ANKRD12: variants seen among roughly 807,000 people sequenced by gnomAD.
ANKRD12 encodes the protein ankyrin repeat domain-containing protein 12.
Under a neutral mutation model 183.4 loss-of-function variants are expected in ANKRD12, and 85 were observed. The observed-to-expected ratio is 0.46, with a 90% CI of 0.39 to 0.56. ANKRD12 has a LOEUF of 0.56. ANKRD12 is among the 20% of genes least tolerant of loss of function. ANKRD12 has a pLI of 0.00. For missense variants in ANKRD12, 2,405 were observed against 2,357.1 expected (o/e 1.02, Z -0.42); for synonymous variants, 914 against 800.2 (o/e 1.14, Z -2.40).
chr18:9,193,730 C>G (rs1211374571), intron 2 of ANKRD12, among the ~76,000 whole-genome samples: 3 of 152,076 alleles, frequency 2.0e-5, no homozygotes, highest in Non-Finnish European at 4.4e-5. Context: ...TCTGAATCTA[C>G]TTTTCATTTG....
At chr18:9,273,100 G>A (rs1169920080) in intron 10 of ANKRD12, among the ~76,000 whole-genome samples, 1 of 152,154 alleles carries the variant, frequency 6.6e-6, no homozygotes, top group Non-Finnish European at 1.5e-5. Flanking sequence ...TCTCCATGAA[G>A]TTCTAGCTAG....
At chr18:9,201,993 A>C (rs903592789) in intron 3 of ANKRD12, among the ~76,000 whole-genome samples, 3 of 151,806 alleles carry the variant, frequency 2.0e-5, no homozygotes, top group African/African-American at 7.3e-5. Flanking sequence ...ACACCCAGCT[A>C]ATTTTTGTAT....
At chr18:9,163,496 A>G (rs1598425670) in intron 1 of ANKRD12, among the ~76,000 whole-genome samples, 1 of 151,946 alleles carries the variant, frequency 6.6e-6, no homozygotes, top group East Asian at 1.9e-4. Flanking sequence ...TTTCCTTAGG[A>G]TTGTCTTGGC....
At chr18:9,266,740 T>C (rs1285868735) in intron 10 of ANKRD12, among the ~76,000 whole-genome samples, 1 of 152,100 alleles carries the variant, frequency 6.6e-6, no homozygotes, top group Admixed American at 6.6e-5. Context: ...AACATCATAA[T>C]GACAGGATCA....
chr18:9,262,786 C>CTTTTTTTTTTTTTTTTTTTTTTTTT lies in ANKRD12; in HGVS notation c.5665-1004_5665-1003insTTTTTTTTTTTTTTTTTTTTTTTTT, dbSNP rs775877613. Among the ~76,000 whole-genome samples the CTTTTTTTTTTTTTTTTTTTTTTTTT allele has an allele frequency of 2.3e-5, 2 of 87,932 alleles. 1 individual carries two copies. Among genetic ancestry groups the CTTTTTTTTTTTTTTTTTTTTTTTTT allele is most frequent in the African/African-American group, 8.3e-5 (2 of 24,168 alleles). 57.7% of individuals were successfully genotyped at this position (87,932 alleles called of 152,430 possible). ...AGCCACCATGCCCAGCCAAGATGTC[C>CTTTTTTTTTTTTTTTTTTTTTTTTT]CTTTTTTTTTTTTTTTTTTTTTTTT... On this transcript the variant is annotated intron_variant, in intron 9 of 12. Transcript: ENST00000262126.
chr18:9,277,974 C>T (rs11660792), intron 11 of ANKRD12, among the ~76,000 whole-genome samples: 1 of 152,200 alleles, frequency 6.6e-6, no homozygotes, highest in Admixed American at 6.5e-5. Context: ...ATTAAGCTTG[C>T]TGAGATCCTT....
At chr18:9,214,306 G>C (rs535950076) in intron 6 of ANKRD12, among the ~76,000 whole-genome samples, 1 of 152,184 alleles carries the variant, frequency 6.6e-6, no homozygotes. Context: ...GCACCATTCA[G>C]AATCAGGAGA....
At chr18:9,137,693 C>T (rs764050778) in intron 1 of ANKRD12, 2 of 152,192 alleles carry the variant, frequency 1.3e-5, no homozygotes, top group African/African-American at 2.4e-5. Flanking sequence ...TCTTAAATGC[C>T]AGTGTAAAAT....
chr18:9,258,599 G>C lies in ANKRD12; in HGVS notation c.5332G>C (p.Asp1778His), dbSNP rs750989527. 2 of 1,613,764 alleles carry C rather than the reference G, an allele frequency of 1.2e-6. No homozygotes were observed. The highest frequency in any genetic ancestry group is 1.7e-5 in the Admixed American group (1 of 59,934). ...RGRIRLTEDD[D>H]PQIHHPRKRK... is the part of the protein sequence containing the mutation. ...AAGAATAAGATTAACTGAAGATGACGATCCTCAAATTCACCATCCACGGAA... is the reference window on the plus strand; with the variant it reads ...AAGAATAAGATTAACTGAAGATGACCATCCTCAAATTCACCATCCACGGAA... The change falls in exon 9 of 13, where the codon GAT (aspartate) becomes CAT (histidine). Residue 1778 changes from aspartate to histidine, a missense_variant. Around this residue, in one of 7 missense-constraint regions of ANKRD12, gnomAD observed 1,983 missense variants for 1,725.9 expected, o/e 1.15. Coordinates refer to ENST00000262126, the MANE Select transcript of ANKRD12 (RefSeq NM_015208.5).
chr18:9,141,337 G>C (rs980355641), intron 1 of ANKRD12, among the ~76,000 whole-genome samples: 9 of 152,084 alleles, frequency 5.9e-5, no homozygotes, highest in African/African-American at 2.2e-4. Flanking sequence ...CTTTGCTATT[G>C]ATATCATGCT....
chr18:9,254,074 C>T, intron 8 of ANKRD12, 137 bp from the exon 9 acceptor site: 3 of 1,012,498 alleles, frequency 3.0e-6, no homozygotes, highest in Non-Finnish European at 3.9e-6. Context: ...ACATTATTTC[C>T]ATATAAATCT....
At chr18:9,151,041 G>A (rs2078668785) in intron 1 of ANKRD12, among the ~76,000 whole-genome samples, 2 of 152,130 alleles carry the variant, frequency 1.3e-5, no homozygotes, top group Non-Finnish European at 1.5e-5. Context: ...TGGAATAACT[G>A]CCAGAAAACA....
chr18:9,270,581 C>T (rs2039545344), intron 10 of ANKRD12, among the ~76,000 whole-genome samples: 1 of 151,990 alleles, frequency 6.6e-6, no homozygotes, highest in Non-Finnish European at 1.5e-5. Flanking sequence ...CACATGGACA[C>T]AGGAAGGGGA....
intron 11 of ANKRD12, among the ~76,000 whole-genome samples, chr18:9,276,392 C>A (rs146981698): frequency 1.3e-5 from 2 of 151,950 alleles, no homozygotes; most frequent in African/African-American, 4.8e-5. Flanking sequence ...ATAAAAAAAT[C>A]AAGATTGAAC....
At chr18:9,164,892 T>C (rs2031866124) in intron 1 of ANKRD12, among the ~76,000 whole-genome samples, 5 of 152,228 alleles carry the variant, frequency 3.3e-5, no homozygotes, top group Admixed American at 3.3e-4. Flanking sequence ...GAGTGGAGCG[T>C]TCTGTAGATA....
intron 2 of ANKRD12, among the ~76,000 whole-genome samples, chr18:9,182,926 C>T (rs1253749045): frequency 2.0e-5 from 3 of 152,128 alleles, no homozygotes; most frequent in Non-Finnish European, 2.9e-5. Flanking sequence ...CTCCTTATCT[C>T]TGGTTTTATA....
At chr18:9,148,232 A>T (rs762991804) in intron 1 of ANKRD12, among the ~76,000 whole-genome samples, 2 of 152,210 alleles carry the variant, frequency 1.3e-5, no homozygotes, top group African/African-American at 2.4e-5. Flanking sequence ...TCAGACCTTT[A>T]GAAGTCATCT....
At chr18:9,233,859 T>C (rs1457672383) in intron 8 of ANKRD12, among the ~76,000 whole-genome samples, 1 of 152,144 alleles carries the variant, frequency 6.6e-6, no homozygotes, top group Admixed American at 6.5e-5. Flanking sequence ...ATTCTGGCAC[T>C]GGTGTCAGCA....
At chr18:9,150,198 C>T (rs2078640321) in intron 1 of ANKRD12, among the ~76,000 whole-genome samples, 1 of 152,152 alleles carries the variant, frequency 6.6e-6, no homozygotes. Context: ...CCTTTGTTTA[C>T]TGGATTGAGC....
Sources: allele counts gnomAD v4.1 joint callset (sites outside exome capture counted in the v4.1 genomes callset), GRCh38; gene constraint gnomAD v4.1.1; regional missense constraint gnomAD v4.1.1; transcripts MANE v1.5; gene names NCBI Gene and HGNC (gene_info 2026-07-23, HGNC 2026-07-21).